Variants in GALK2 observed in about 807,000 individuals in gnomAD.
GALK2 encodes galactokinase 2.
A neutral mutation model predicts 52.4 loss-of-function variants in GALK2; 36 were observed. The observed-to-expected ratio is 0.69, with a 90% CI of 0.53 to 0.91. The LOEUF (loss-of-function observed/expected upper bound fraction) is 0.91. Ranked by LOEUF, GALK2 falls within the 40% of genes least tolerant of loss-of-function variation. The probability of loss-of-function intolerance (pLI) is 0.00; values close to 1 mark genes in which losing one functional copy is unlikely to be tolerated. For synonymous variants in GALK2, 176 were observed against 199.1 expected (o/e 0.88, Z 0.98); for missense variants, 579 against 559.1 (o/e 1.04, Z -0.36).
chr15:49,288,953 T>C (rs2033660046), intron 7 of GALK2, among the ~76,000 whole-genome samples: 1 of 152,154 alleles, frequency 6.6e-6, no homozygotes, highest in African/African-American at 2.4e-5. Context: ...CTCTCTGTGA[T>C]TGGATTTTTG....
At chr15:49,186,385 A>G (rs559501999) in intron 1 of GALK2, among the ~76,000 whole-genome samples, 63 of 152,126 alleles carry the variant, frequency 4.1e-4, no homozygotes, top group African/African-American at 1.5e-3. Flanking sequence ...TACTTGATCA[A>G]TTCTGCTATT....
At chr15:49,261,627 G>A (rs568184105) in intron 5 of GALK2, among the ~76,000 whole-genome samples, 25,226 of 150,802 alleles carry the variant, frequency 0.17, 2,374 homozygotes, top group Non-Finnish European at 0.21. Flanking sequence ...GGTGAGAGAG[G>A]GCATCCCTGT....
chr15:49,325,696 C>T (rs1055781476), intron 9 of GALK2, among the ~76,000 whole-genome samples: 4 of 152,200 alleles, frequency 2.6e-5, no homozygotes, highest in African/African-American at 4.8e-5. Context: ...AAGGCTATTT[C>T]TAATAGCACT....
At chr15:49,287,981 G>C (rs1376025796) in intron 7 of GALK2, among the ~76,000 whole-genome samples, 1 of 151,894 alleles carries the variant, frequency 6.6e-6, no homozygotes, top group East Asian at 1.9e-4. Context: ...GCTTTCAAAA[G>C]CTAATTCATG....
intron 5 of GALK2, among the ~76,000 whole-genome samples, chr15:49,264,672 T>C (rs2141652200): frequency 6.6e-6 from 1 of 152,266 alleles, no homozygotes; most frequent in African/African-American, 2.4e-5. Flanking sequence ...TTTCCAGTTT[T>C]TCTGTTCTGT....
chr15:49,190,756 TC>T (rs1212215477), intron 1 of GALK2, among the ~76,000 whole-genome samples: 2 of 152,190 alleles, frequency 1.3e-5, no homozygotes, highest in African/African-American at 4.8e-5. Context: ...AGTCATACAC[TC>T]CTGAGTGTTC....
chr15:49,236,573 G>A (rs1428722681), intron 4 of GALK2, among the ~76,000 whole-genome samples: 1 of 152,086 alleles, frequency 6.6e-6, no homozygotes. Flanking sequence ...ACAAGAACAA[G>A]AAAATAAAAT....
At chr15:49,244,509 A>G (rs781212120) in intron 5 of GALK2, among the ~76,000 whole-genome samples, 1 of 152,226 alleles carries the variant, frequency 6.6e-6, no homozygotes, top group Non-Finnish European at 1.5e-5. Flanking sequence ...CAGTTGATAA[A>G]TGTCTCTAAA....
chr15:49,357,438 C>A (rs1309756560), intron 3 of GALK2, among the ~76,000 whole-genome samples: 1 of 151,542 alleles, frequency 6.6e-6, no homozygotes, highest in Non-Finnish European at 1.5e-5. Context: ...AAACTACCAT[C>A]AGAGAATACT....
At chr15:49,175,590 G>A (rs1423702888) in intron 1 of GALK2, among the ~76,000 whole-genome samples, 1 of 152,024 alleles carries the variant, frequency 6.6e-6, no homozygotes, top group Admixed American at 6.6e-5. Flanking sequence ...ATTAAATTAA[G>A]GACATGCCCT....
chr15:49,245,754 A>G (rs1369151665), intron 5 of GALK2, among the ~76,000 whole-genome samples: 3 of 152,194 alleles, frequency 2.0e-5, no homozygotes, highest in Admixed American at 2.0e-4. Flanking sequence ...AGGAAAAAGT[A>G]TAATGCATTA....
chr15:49,337,335 G>A (rs922875118), intron 3 of GALK2, among the ~76,000 whole-genome samples: 1 of 151,956 alleles, frequency 6.6e-6, no homozygotes, highest in African/African-American at 2.4e-5. Context: ...CCTTTTCTCT[G>A]CAGCCCCATC....
intron 5 of GALK2, among the ~76,000 whole-genome samples, chr15:49,277,961 A>G (rs1462402105): frequency 1.3e-5 from 2 of 151,934 alleles, no homozygotes; most frequent in South Asian, 2.1e-4. Flanking sequence ...GTAGACCCAA[A>G]TGCTTTAAAT....
Position 49,328,077 on chromosome 15 carries a change from G to C in GALK2, c.1295G>C (p.Ser432Thr). 1 of 1,614,092 alleles carries C rather than the reference G, an allele frequency of 6.2e-7. No homozygotes were observed. The highest frequency in any genetic ancestry group is 8.5e-7 in the Non-Finnish European group (1 of 1,179,986). The change falls in exon 10 of 10, where the codon AGT (serine) becomes ACT (threonine). Residue 432 changes from serine to threonine, a missense_variant. By Grantham distance (58) the Ser-to-Thr change is moderately conservative. Transcript: ENST00000560031. ...GTGCACAAAGCTTATTACCAGAGGA[G>C]TGATGGAAGCTTAGCACCGGAGAAG... ...ANVHKAYYQR[S>T]DGSLAPEKQS...
At chr15:49,326,764 C>A (rs2037572576) in intron 9 of GALK2, among the ~76,000 whole-genome samples, 1 of 151,776 alleles carries the variant, frequency 6.6e-6, no homozygotes, top group Non-Finnish European at 1.5e-5. Flanking sequence ...TTCTTAAATA[C>A]CTATGTTCAT....
At chr15:49,300,288 A>T (rs1033647693) in intron 8 of GALK2, among the ~76,000 whole-genome samples, 6 of 151,940 alleles carry the variant, frequency 3.9e-5, no homozygotes, top group African/African-American at 1.2e-4. Flanking sequence ...TGTTTGCTTG[A>T]TAGATCTTTC....
chr15:49,174,082 C>T (rs1392314284), intron 1 of GALK2, among the ~76,000 whole-genome samples: 1 of 152,116 alleles, frequency 6.6e-6, no homozygotes, highest in East Asian at 1.9e-4. Context: ...GTATGAATAC[C>T]ATTATTTAAC....
At chr15:49,258,800 G>A (rs879264784) in intron 5 of GALK2, among the ~76,000 whole-genome samples, 13 of 87,800 alleles carry the variant, frequency 1.5e-4, no homozygotes, top group African/African-American at 3.7e-4. Context: ...ATATATGTGT[G>A]TGTGTGTGTG....
intron 3 of GALK2, among the ~76,000 whole-genome samples, chr15:49,355,278 T>G (rs927095357): frequency 7.2e-4 from 110 of 152,230 alleles, no homozygotes; most frequent in Non-Finnish European, 1.4e-3. Context: ...GGCTTCAGAC[T>G]ATCAAATTAC....
Sources: allele counts gnomAD v4.1 joint callset (sites outside exome capture counted in the v4.1 genomes callset), GRCh38; gene constraint gnomAD v4.1.1; transcripts MANE v1.5; gene names NCBI Gene and HGNC (gene_info 2026-07-23, HGNC 2026-07-21).